The following LMBRD2 variants were observed in gnomAD, a reference collection of about 807,000 sequenced individuals.
LMBRD2 encodes the protein LMBR1 domain containing 2, also known as G protein-coupled receptor-associated protein LMBRD2.
LMBRD2 carries 55 observed loss-of-function variants against 94.4 expected under a neutral mutation model. The ratio of observed to expected loss-of-function variants is 0.58; its 90% CI spans 0.47 to 0.73. LMBRD2 has a LOEUF of 0.73. Ranked by LOEUF, LMBRD2 falls within the 30% of genes least tolerant of loss-of-function variation. The probability of loss-of-function intolerance (pLI) is 0.00; values close to 1 mark genes in which losing one functional copy is unlikely to be tolerated. For missense variants in LMBRD2, 640 were observed against 831.9 expected (o/e 0.77, Z 2.84); for synonymous variants, 246 against 272.4 (o/e 0.90, Z 0.95).
rs185706383 is a variant in LMBRD2, at chr5:36,101,458, T to G, written c.*2588A>C. ...TTACCAGAAATAATTCTTTAAGAAATGTACTTTGCATGTAAAGTATATGTA... is the reference window on the plus strand; with the variant it reads ...TTACCAGAAATAATTCTTTAAGAAAGGTACTTTGCATGTAAAGTATATGTA... On this transcript the variant is annotated 3_prime_UTR_variant, in exon 18 of 18. Transcript: ENST00000296603. 103 of 152,088 alleles carry G rather than the reference T, an allele frequency of 6.8e-4. No individual in the cohort carries two copies. The highest frequency in any genetic ancestry group is 5.8e-3 in the Admixed American group (88 of 15,248). The allele number at this position is 152,088 out of a possible 1,614,324, so 9.4% of individuals were successfully genotyped here. A position where few individuals can be genotyped will look rare whatever the true frequency, so the allele number is the denominator to read the frequency against.
Position 36,138,233 on chromosome 5 carries a change from A to G in LMBRD2, c.369-792T>C, listed in dbSNP as rs558799885. ...GAACCTGTATGTATAAGTGGAGGAGAATAGAAAGCAGAGTACTATGGTTAA... is the reference window on the plus strand; with the variant it reads ...GAACCTGTATGTATAAGTGGAGGAGGATAGAAAGCAGAGTACTATGGTTAA... On this transcript the variant is annotated intron_variant, in intron 4 of 17. Coordinates refer to ENST00000296603, the MANE Select transcript of LMBRD2 (RefSeq NM_001007527.2). Among the ~76,000 whole-genome samples, 3 of 152,326 alleles carry G rather than the reference A, an allele frequency of 2.0e-5. No individual in the cohort carries two copies. The South Asian group carries it at 6.2e-4, about 32-fold the overall frequency.
chr5:36,113,443 A>C (rs772500779), intron 13 of LMBRD2, among the ~76,000 whole-genome samples: 17 of 152,022 alleles, frequency 1.1e-4, no homozygotes, highest in Non-Finnish European at 1.9e-4. Flanking sequence ...TTCCTTCTAC[A>C]ACTCGGTGTC....
intron 6 of LMBRD2, among the ~76,000 whole-genome samples, chr5:36,128,582 G>A (rs1744061983): frequency 6.6e-6 from 1 of 152,100 alleles, no homozygotes; most frequent in Non-Finnish European, 1.5e-5. Flanking sequence ...TAGCTGGGTG[G>A]TGGTGTGTGC....
intron 13 of LMBRD2, among the ~76,000 whole-genome samples, chr5:36,113,204 A>T (rs774529755): frequency 6.6e-6 from 1 of 152,124 alleles, no homozygotes; most frequent in Admixed American, 6.5e-5. Context: ...TAAATTTCAG[A>T]CATTGTATGG....
rs1220193484 is a variant in LMBRD2 at position 36,101,845 on chromosome 5, A to G, written c.*2201T>C. On this transcript the variant is annotated 3_prime_UTR_variant, in exon 18 of 18. Coordinates refer to ENST00000296603, the MANE Select transcript of LMBRD2 (RefSeq NM_001007527.2). ...ACTTCAATTATTATAACCATAAAAA[A>G]TTTAATACTAAAGGAAAGTGGTAAC... 1.3e-5 allele frequency: 2 copies of G among 151,910 alleles called. No individual in the cohort carries two copies. Among genetic ancestry groups the G allele is most frequent in the East Asian group, 3.9e-4 (2 of 5,192 alleles). 9.4% of individuals were successfully genotyped at this position (151,910 alleles called of 1,614,324 possible).
chr5:36,116,337 A>T (rs1743743241), intron 11 of LMBRD2, 123 bp downstream of exon 11: 1 of 891,566 alleles, frequency 1.1e-6, no homozygotes, highest in Non-Finnish European at 1.7e-6. Flanking sequence ...ATTTGAAACT[A>T]ATCAATTAGC....
chr5:36,113,233 CCT>C (rs1201856846), intron 13 of LMBRD2, among the ~76,000 whole-genome samples: 21 of 152,210 alleles, frequency 1.4e-4, no homozygotes, highest in African/African-American at 4.6e-4. Context: ...CGTGAAAATC[CCT>C]GTCCTGTTCT....
chr5:36,135,987 C>G (rs956213593), intron 6 of LMBRD2, among the ~76,000 whole-genome samples: 1 of 152,128 alleles, frequency 6.6e-6, no homozygotes, highest in Non-Finnish European at 1.5e-5. Context: ...GTTAGGGTAA[C>G]CATACAATTT....
At chr5:36,139,087 G>A (rs150870699) in intron 4 of LMBRD2, among the ~76,000 whole-genome samples, 192 of 152,324 alleles carry the variant, frequency 1.3e-3, no homozygotes, top group African/African-American at 4.5e-3. Flanking sequence ...CTGCCCAGCT[G>A]TGGCTGTGGA....
chr5:36,120,255 G>A (rs1561515702), intron 9 of LMBRD2, among the ~76,000 whole-genome samples: 5 of 149,638 alleles, frequency 3.3e-5, no homozygotes, highest in African/African-American at 1.2e-4. Context: ...CCACCTCCTG[G>A]GTTCAAGTGA....
At chr5:36,120,894 T>C (rs975109933) in intron 9 of LMBRD2, among the ~76,000 whole-genome samples, 1 of 152,146 alleles carries the variant, frequency 6.6e-6, no homozygotes, top group Admixed American at 6.5e-5. Flanking sequence ...GCCCCTCCTT[T>C]TCTAGTCTTT....
chr5:36,121,798 A>G (rs1366383170), intron 9 of LMBRD2, among the ~76,000 whole-genome samples: 2 of 152,196 alleles, frequency 1.3e-5, no homozygotes, highest in Admixed American at 1.3e-4. Context: ...TATATACACA[A>G]AAACCACTGT....
In LMBRD2 at chr5:36,105,077, T is replaced by C. The variant is rs374754867; in HGVS notation, c.2018A>G (p.Glu673Gly). 1.2e-6 allele frequency: 2 copies of C among 1,612,064 alleles called. No homozygotes were observed. Among genetic ancestry groups the C allele is most frequent in the African/African-American group, 2.7e-5 (2 of 74,830 alleles). Reference protein sequence around the residue: ...ETFTDDPLESESGRYQPGGRY... With the variant: ...ETFTDDPLESGSGRYQPGGRY... ...CACAGCCAGAACTTACCTTCCTGAT[T>C]CAGATTCAAGAGGATCATCAGTGAA... Residue 673 changes from glutamate to glycine, a missense_variant, in exon 17 of 18, where the codon GAA (glutamate) becomes GGA (glycine). Physicochemically the swap from Glu to Gly is moderately conservative, Grantham distance 98. This residue lies in a region of LMBRD2 where 183 missense variants were observed against 189.1 expected (regional missense o/e 0.97). Transcript: ENST00000296603.
In LMBRD2 at chr5:36,116,560, T is replaced by C. The variant is rs766485353; in HGVS notation, c.1336A>G (p.Ile446Val). 6.2e-7 allele frequency: 1 copy of C among 1,612,366 alleles called. No individual in the cohort carries two copies. The highest frequency in any genetic ancestry group is 8.5e-7 in the Non-Finnish European group (1 of 1,179,600). The change falls in exon 11 of 18, where the codon ATC (isoleucine) becomes GTC (valine). Residue 446 changes from isoleucine to valine, a missense_variant. Ile to Val is a conservative substitution (Grantham distance 29). This residue lies in a region of LMBRD2 where 457 missense variants were observed against 642.8 expected (regional missense o/e 0.71). Transcript: ENST00000296603. ...ACFLSIFFLS[I>V]CVYSTVFRIR... ...CTGAACACAGTAGAATAAACACAGA[T>C]ACTTAGGAAGAAGATGGAAAGGAAG... is the stretch of plus-strand genomic sequence containing the variant.
Position 36,151,395 on chromosome 5 carries a change from T to G in LMBRD2, c.-58+161A>C, listed in dbSNP as rs1036600776. 1.3e-5 allele frequency among the ~76,000 whole-genome samples: 2 copies of G among 152,198 alleles called. No individual in the cohort carries two copies. Among genetic ancestry groups the G allele is most frequent in the Non-Finnish European group, 2.9e-5 (2 of 68,034 alleles). ...TCCCCTAAAATTAAACCATTGTCTC[T>G]CGTTCCAACGGCGTGTTTAGCTGTT... On this transcript the variant is annotated intron_variant, in intron 1 of 17. Coordinates refer to ENST00000296603, the MANE Select transcript of LMBRD2 (RefSeq NM_001007527.2). The surrounding 1 kb of genome is among the most constrained non-coding windows in gnomAD (Gnocchi z 4.7).
chr5:36,135,438 G>A lies in LMBRD2; in HGVS notation c.747+871C>T, dbSNP rs113335217. Among the ~76,000 whole-genome samples the A allele has an allele frequency of 3.7e-3, 561 of 152,258 alleles. 4 individuals carry two copies. Among genetic ancestry groups the A allele is most frequent in the African/African-American group, 0.013 (526 of 41,550 alleles). ...AGGTAAATATTAAGTCTATAGAATT[G>A]TTTATTATTTCATCAACATTAGCAA... is the stretch of plus-strand genomic sequence containing the variant. On this transcript the variant is annotated intron_variant, in intron 6 of 17. Coordinates refer to ENST00000296603, the MANE Select transcript of LMBRD2 (RefSeq NM_001007527.2).
rs181352333 is a variant in LMBRD2 at position 36,107,342 on chromosome 5, T to C, written c.1897+1192A>G. On this transcript the variant is annotated intron_variant, in intron 16 of 17. Transcript: ENST00000296603. ...ATAATTTCAACATTTGAGCCACCTC[T>C]GGGTCTGGTTATGTTCACTATTTTA... Among the ~76,000 whole-genome samples, 35 of 152,142 alleles carry C rather than the reference T, an allele frequency of 2.3e-4. No individual in the cohort carries two copies. In the East Asian group the frequency reaches 6.6e-3, roughly 28 times the overall value.
At chr5:36,109,594 C>G (rs1472130922) in intron 15 of LMBRD2, among the ~76,000 whole-genome samples, 1 of 151,674 alleles carries the variant, frequency 6.6e-6, no homozygotes, top group Non-Finnish European at 1.5e-5. Flanking sequence ...TGTCACAGCA[C>G]CAAAAAAAGA....
In LMBRD2 at chr5:36,114,415, G is replaced by A; in HGVS notation, c.1640+9C>T. ...AGAGCAAAAGAAAAAACAATGTTAA[G>A]TTTCTTACCTAAAATAAGTAGCAAT... On this transcript the variant is annotated intron_variant, in intron 13 of 17. Coordinates refer to ENST00000296603, the MANE Select transcript of LMBRD2 (RefSeq NM_001007527.2). 1 of 1,555,336 alleles carries A rather than the reference G, an allele frequency of 6.4e-7. No homozygotes were observed. Among genetic ancestry groups the A allele is most frequent in the African/African-American group, 1.4e-5 (1 of 70,372 alleles).
Sources: allele counts gnomAD v4.1 joint callset (sites outside exome capture counted in the v4.1 genomes callset), GRCh38; gene constraint gnomAD v4.1.1; regional missense constraint gnomAD v4.1.1; non-coding constraint Gnocchi (gnomAD v3.1); transcripts MANE v1.5; gene names NCBI Gene and HGNC (gene_info 2026-07-23, HGNC 2026-07-21).